EXOC3L2: variants seen among roughly 807,000 people sequenced by gnomAD.
EXOC3L2 encodes the protein exocyst complex component 3 like 2, also known as exocyst complex component 3-like protein 2.
Under a neutral mutation model 44.4 loss-of-function variants are expected in EXOC3L2, and 17 were observed. The ratio of observed to expected loss-of-function variants is 0.38; its 90% CI spans 0.26 to 0.57. The LOEUF (loss-of-function observed/expected upper bound fraction) is 0.57, where lower values mean the gene tolerates loss of function less well. Among genes scored for constraint, EXOC3L2 ranks in the 20% least tolerant of loss-of-function variants. EXOC3L2 has a pLI of 0.65. For missense variants in EXOC3L2, 541 were observed against 588.4 expected (o/e 0.92, Z 0.83); for synonymous variants, 256 against 253.7 (o/e 1.01, Z -0.09).
rs116505156 is a variant in EXOC3L2, at chr19:45,214,366, G to A, written c.2121-1009C>T. ...CCCAAATAGCACTGCAAGGACTGGC[G>A]TTGCTCCGGCAGCCACCACCACTGC... On this transcript the variant is annotated intron_variant, in intron 11 of 11. Coordinates refer to ENST00000413988, the MANE Select transcript of EXOC3L2 (RefSeq NM_001382422.1). 8.4e-3 allele frequency among the ~76,000 whole-genome samples: 1,281 copies of A among 152,264 alleles called. 12 individuals are homozygous for A. The highest frequency in any genetic ancestry group is 0.029 in the African/African-American group (1,222 of 41,546).
chr19:45,230,465 G>T (rs919316508), intron 4 of EXOC3L2, among the ~76,000 whole-genome samples: 2 of 152,000 alleles, frequency 1.3e-5, no homozygotes, highest in Non-Finnish European at 2.9e-5. Flanking sequence ...TGATCCACCC[G>T]CCTCGGCCTC....
chr19:45,218,164 A>ACCCCCCCC, intron 9 of EXOC3L2, 33 bp downstream of exon 9: 2 of 404,066 alleles, frequency 4.9e-6, no homozygotes, highest in Non-Finnish European at 3.4e-6. Flanking sequence ...CTTTTCCCCC[A>ACCCCCCCC]CCCCCACCTC....
chr19:45,228,900 T>A (rs1969996766), intron 4 of EXOC3L2, among the ~76,000 whole-genome samples: 1 of 148,338 alleles, frequency 6.7e-6, no homozygotes, highest in Non-Finnish European at 1.5e-5. Flanking sequence ...TGAAACCCCG[T>A]CTCCACTAAA....
At chr19:45,223,152 G>C (rs1041167459) in intron 8 of EXOC3L2, among the ~76,000 whole-genome samples, 6 of 152,086 alleles carry the variant, frequency 3.9e-5, no homozygotes, top group African/African-American at 1.4e-4. Flanking sequence ...CACTTTGGGA[G>C]GCCAAGGTGG....
rs576309785 is a variant in EXOC3L2 at position 45,238,720 on chromosome 19, C to T, written c.326G>A (p.Arg109Gln). ...GCCGTGGGCTCGGGTCCCATGCAGC[C>T]GGGCCAGGAGGCCAAAATCTGCTGA... The part of the protein sequence containing the change: ...RSSADFGLLA[R>Q]LHGTRAHGDE... Residue 109 changes from arginine (R) to glutamine (Q), a missense_variant, in exon 2 of 12, where the codon CGG becomes CAG. Coordinates refer to ENST00000413988, the MANE Select transcript of EXOC3L2 (RefSeq NM_001382422.1). This position sits in a 1 kb window ranked among gnomAD's most constrained non-coding sequence, Gnocchi z 5.5. The T allele has an allele frequency of 1.1e-4, 42 of 398,954 alleles. No individual in the cohort carries two copies. The highest frequency in any genetic ancestry group is 1.3e-3 in the Middle Eastern group (2 of 1,588). The allele number at this position is 398,954 out of a possible 1,614,324, so 24.7% of individuals were successfully genotyped here. A position where few individuals can be genotyped will look rare whatever the true frequency, so the allele number is the denominator to read the frequency against.
intron 4 of EXOC3L2, among the ~76,000 whole-genome samples, 162 bp downstream of exon 4, chr19:45,231,601 C>T (rs1970032370): frequency 6.6e-6 from 1 of 152,058 alleles, no homozygotes; most frequent in Non-Finnish European, 1.5e-5. Flanking sequence ...TGTCTCTGTA[C>T]AGCGGCCTTT....
chr19:45,244,557 C>T (rs1970154809), intron 1 of EXOC3L2, among the ~76,000 whole-genome samples: 1 of 152,114 alleles, frequency 6.6e-6, no homozygotes, highest in Admixed American at 6.6e-5. Context: ...CTCCCAGTGC[C>T]CAGCCCCTGA....
chr19:45,221,703 T>G (rs61079153), intron 8 of EXOC3L2, among the ~76,000 whole-genome samples: 12,866 of 147,572 alleles, frequency 0.087, 787 homozygotes, highest in African/African-American at 0.17. Flanking sequence ...GCTGGAGTGC[T>G]ACGGTGTGAA....
rs1970067374 is a variant in EXOC3L2, at chr19:45,234,831, G to C, written c.524-5C>G. On this transcript the variant is annotated splice_region_variant and splice_polypyrimidine_tract_variant and intron_variant, in intron 2 of 11. Transcript: ENST00000413988. This position sits in a 1 kb window ranked among gnomAD's most constrained non-coding sequence, Gnocchi z 5.0. ...TCAGGCTCAGGATCTCCAGCACTGCGGGAGCAAAGCGGGAGGTCAGCAGTG... is the reference window on the plus strand; with the variant it reads ...TCAGGCTCAGGATCTCCAGCACTGCCGGAGCAAAGCGGGAGGTCAGCAGTG... 2.5e-6 allele frequency: 1 copy of C among 393,232 alleles called. No individual in the cohort carries two copies. The highest frequency in any genetic ancestry group is 4.4e-5 in the Admixed American group (1 of 22,550). The allele number at this position is 393,232 out of a possible 1,614,324, so 24.4% of individuals were successfully genotyped here.
chr19:45,217,587 G>T lies in EXOC3L2; in HGVS notation c.1939C>A (p.Arg647Ser). The change falls in exon 10 of 12, where the codon CGC (arginine) becomes AGC (serine). Residue 647 changes from arginine to serine, a missense_variant. Arg to Ser is a moderately radical substitution (Grantham distance 110, BLOSUM62 -1). Coordinates refer to ENST00000413988, the MANE Select transcript of EXOC3L2 (RefSeq NM_001382422.1). ...TCCTCCCGGAGCCTGCCGGCCACGC[G>T]GCTGCGGGTCCGCGCCGAGCTGCAG... The part of the protein sequence containing the change: ...LRCSSARTRS[R>S]VAGRLREDAA... The T allele has an allele frequency of 6.5e-7, 1 of 1,540,360 alleles. No homozygotes were observed.
chr19:45,217,150 T>C (rs1311936224), intron 10 of EXOC3L2, among the ~76,000 whole-genome samples: 2 of 151,884 alleles, frequency 1.3e-5, no homozygotes, highest in Admixed American at 1.3e-4. Flanking sequence ...ACCTCCCAAG[T>C]AGCTGGGATT....
At chr19:45,215,741 G>T (rs1008549999) in intron 11 of EXOC3L2, among the ~76,000 whole-genome samples, 1 of 152,128 alleles carries the variant, frequency 6.6e-6, no homozygotes, top group Non-Finnish European at 1.5e-5. Flanking sequence ...GTGCGTGTGC[G>T]CCCGTGTGCC....
chr19:45,228,259 G>A lies in EXOC3L2; in HGVS notation c.1277C>T (p.Thr426Ile). The A allele has an allele frequency of 1.2e-6, 2 of 1,614,064 alleles. No homozygotes were observed. Among genetic ancestry groups the A allele is most frequent in the Admixed American group, 1.7e-5 (1 of 59,998 alleles). ...CAGCACACGGAGAAGGGCAGCCCGG[G>A]TCTGAGCCTACAGTAGGGAGAGGGG... ...DECVTDVKAQ[T>I]RAALLRVLQE... The change falls in exon 5 of 12, where the codon ACC (threonine) becomes ATC (isoleucine). Residue 426 changes from threonine (T) to isoleucine (I), a missense_variant. Transcript: ENST00000413988.
rs568666626 is a variant in EXOC3L2, at chr19:45,222,039, C to T, written c.1719+2739G>A. ...CCTGGTGATTCTCCCAGGGTCCCCACCCTGGCTGATGCTCACATACACATG... is the reference window on the plus strand; with the variant it reads ...CCTGGTGATTCTCCCAGGGTCCCCATCCTGGCTGATGCTCACATACACATG... On this transcript the variant is annotated intron_variant, in intron 8 of 11. Transcript: ENST00000413988. Among the ~76,000 whole-genome samples, 3 of 151,962 alleles carry T rather than the reference C, an allele frequency of 2.0e-5. No individual in the cohort carries two copies. The East Asian group carries it at 5.8e-4, about 30-fold the overall frequency.
chr19:45,225,563 C>T (rs1187664108), intron 7 of EXOC3L2, among the ~76,000 whole-genome samples: 4 of 151,944 alleles, frequency 2.6e-5, no homozygotes, highest in South Asian at 2.1e-4. Context: ...CCGCCGCACC[C>T]GGCCAAGTCT....
intron 3 of EXOC3L2, 81 bp from the exon 4 acceptor site, chr19:45,231,955 A>G: frequency 9.7e-6 from 8 of 824,162 alleles, no homozygotes; most frequent in Non-Finnish European, 1.5e-5. Flanking sequence ...CCTCCTACCC[A>G]CTGTTTCTGT....
chr19:45,220,887 G>A (rs558768703), intron 8 of EXOC3L2, among the ~76,000 whole-genome samples: 1 of 151,940 alleles, frequency 6.6e-6, no homozygotes, highest in South Asian at 2.1e-4. Flanking sequence ...GGGATGAAAG[G>A]GGGTGAGGAA....
chr19:45,236,394 C>T (rs781463942), intron 2 of EXOC3L2, among the ~76,000 whole-genome samples: 6 of 132,392 alleles, frequency 4.5e-5, no homozygotes, highest in East Asian at 2.4e-4. Context: ...TGAACCCAGG[C>T]GGCGAAGGCT....
chr19:45,220,192 T>A lies in EXOC3L2; in HGVS notation c.1720-1873A>T, dbSNP rs140668794. The stretch of plus-strand genomic sequence containing the variant: ...CTGTCTCAAAAATAAATAAATAAAT[T>A]AATTAAGGGCTGGGCACAGTGGCTC... On this transcript the variant is annotated intron_variant, in intron 8 of 11. Coordinates refer to ENST00000413988, the MANE Select transcript of EXOC3L2 (RefSeq NM_001382422.1). Among the ~76,000 whole-genome samples, 609 of 151,428 alleles carry A rather than the reference T, an allele frequency of 4.0e-3. 6 individuals carry two copies. The highest frequency in any genetic ancestry group is 0.011 in the African/African-American group (452 of 41,228).
Sources: allele counts gnomAD v4.1 joint callset (sites outside exome capture counted in the v4.1 genomes callset), GRCh38; gene constraint gnomAD v4.1.1; non-coding constraint Gnocchi (gnomAD v3.1); transcripts MANE v1.5; gene names NCBI Gene and HGNC (gene_info 2026-07-23, HGNC 2026-07-21).